MERTK: variants seen among roughly 807,000 people sequenced by gnomAD.
The protein encoded by MERTK is MER proto-oncogene, tyrosine kinase.
In MERTK, 69 loss-of-function variants were observed where a neutral mutation model predicts 99.3. The ratio of observed to expected loss-of-function variants is 0.70; its 90% CI spans 0.57 to 0.85. The LOEUF (loss-of-function observed/expected upper bound fraction) is 0.85. MERTK is among the 40% of genes least tolerant of loss of function. The pLI is 0.00. For missense variants in MERTK, 1,125 were observed against 1,249.4 expected, an observed-to-expected ratio of 0.90 and a Z score of 1.50; for synonymous variants, 426 against 467.6, an observed-to-expected ratio of 0.91 and a Z score of 1.15.
intron 6 of MERTK, among the ~76,000 whole-genome samples, chr2:111,974,506 A>ACGCCTGTAATCCCAG: frequency 6.6e-6 from 1 of 152,270 alleles, no homozygotes; most frequent in Non-Finnish European, 1.5e-5. Context: ...GTGGTGGCTC[A>ACGCCTGTAATCCCAG]CGCCTGTAAT....
At chr2:111,946,810 CT>C (rs879361567) in intron 3 of MERTK, among the ~76,000 whole-genome samples, 1 of 152,222 alleles carries the variant, frequency 6.6e-6, no homozygotes, top group Admixed American at 6.5e-5. Flanking sequence ...TGTGGCCTGC[CT>C]TCTGGTAAAA....
At chr2:112,013,554 AT>A (rs1381788528) in intron 15 of MERTK, 4 of 154,350 alleles carry the variant, frequency 2.6e-5, no homozygotes, top group African/African-American at 9.6e-5. Context: ...GCCAGCCTGT[AT>A]TTTGTATGTA....
rs771515671 is a variant in MERTK at position 112,026,894 on chromosome 2, G to C, written c.2487-1457G>C. Among the ~76,000 whole-genome samples the C allele has an allele frequency of 3.9e-4, 59 of 152,310 alleles. 1 individual carries two copies. The highest frequency in any genetic ancestry group is 3.1e-4 in the Non-Finnish European group (21 of 68,018). ...GGAAATTGCATATTTCTGTTCGTAA[G>C]ATGCTAGTAATTTATTGCATGGGTC... On this transcript the variant is annotated intron_variant, in intron 18 of 18. Transcript: ENST00000295408.
At chr2:111,942,450 C>T (rs565249022) in intron 2 of MERTK, among the ~76,000 whole-genome samples, 15 of 152,284 alleles carry the variant, frequency 9.9e-5, no homozygotes, top group Middle Eastern at 3.4e-3. Context: ...GCACAGAATT[C>T]TCCCATCTTT....
intron 1 of MERTK, among the ~76,000 whole-genome samples, chr2:111,920,996 A>G (rs913851253): frequency 2.0e-5 from 3 of 152,018 alleles, no homozygotes; most frequent in Non-Finnish European, 4.4e-5. Flanking sequence ...GTATTGCATA[A>G]ATAGTACTAA....
chr2:111,987,904 A>G (rs870763), intron 8 of MERTK, among the ~76,000 whole-genome samples: 35,552 of 150,574 alleles, frequency 0.24, 4,437 homozygotes, highest in Middle Eastern at 0.37. Context: ...ATGCTAGTTT[A>G]CTCTTCGTTT....
At chr2:111,948,703 C>G (rs928443331) in intron 4 of MERTK, among the ~76,000 whole-genome samples, 7 of 152,184 alleles carry the variant, frequency 4.6e-5, no homozygotes, top group Non-Finnish European at 1.0e-4. Flanking sequence ...TTTCTCCACC[C>G]TGCTGCCAGC....
At chr2:112,013,961 T>A (rs1172397628) in intron 15 of MERTK, among the ~76,000 whole-genome samples, 2 of 151,932 alleles carry the variant, frequency 1.3e-5, no homozygotes, top group Admixed American at 1.3e-4. Flanking sequence ...TTCAAGTGAT[T>A]CTCCTGCCTC....
intron 15 of MERTK, among the ~76,000 whole-genome samples, chr2:112,019,065 C>A (rs1214164715): frequency 6.6e-6 from 1 of 151,662 alleles, no homozygotes; most frequent in East Asian, 1.9e-4. Context: ...GACCACCTGT[C>A]CCTTTCCCTC....
intron 1 of MERTK, among the ~76,000 whole-genome samples, chr2:111,901,228 T>C (rs1374785083): frequency 6.6e-6 from 1 of 152,172 alleles, no homozygotes; most frequent in Non-Finnish European, 1.5e-5. Flanking sequence ...AAGATAAATA[T>C]AAATGTGGAT....
Position 112,021,518 on chromosome 2 carries a change from G to T in MERTK, c.2286G>T (p.Met762Ile). 2 of 1,613,994 alleles carry T rather than the reference G, an allele frequency of 1.2e-6. No homozygotes were observed. Among genetic ancestry groups the T allele is most frequent in the Non-Finnish European group, 1.7e-6 (2 of 1,179,926 alleles). Residue 762 changes from methionine (M) to isoleucine (I), a missense_variant, in exon 17 of 19, where the codon ATG becomes ATT. Transcript: ENST00000295408. ...ACCGCCAAGGCCGCATTGCTAAGAT[G>T]CCTGTTAAATGGATCGCCATAGAAA... Reference protein sequence around the residue: ...DYYRQGRIAKMPVKWIAIESL... With the variant: ...DYYRQGRIAKIPVKWIAIESL...
intron 2 of MERTK, among the ~76,000 whole-genome samples, chr2:111,931,689 GA>G (rs529477616): frequency 0.13 from 13,399 of 107,012 alleles, 639 homozygotes; most frequent in South Asian, 0.22. Context: ...CATCTCAAAA[GA>G]AAAAAAAAAA....
At chr2:112,016,059 G>C (rs1160424797) in intron 15 of MERTK, among the ~76,000 whole-genome samples, 2 of 152,232 alleles carry the variant, frequency 1.3e-5, no homozygotes, top group East Asian at 3.9e-4. Context: ...CTTGATTACT[G>C]AAGCTTGTTA....
intron 4 of MERTK, among the ~76,000 whole-genome samples, chr2:111,962,219 C>A (rs868773749): frequency 3.9e-5 from 6 of 152,098 alleles, no homozygotes; most frequent in Non-Finnish European, 7.4e-5. Flanking sequence ...TAAAAAATAA[C>A]CATTCAGGTC....
At chr2:112,026,548 T>C (rs543437928) in intron 18 of MERTK, among the ~76,000 whole-genome samples, 1 of 152,186 alleles carries the variant, frequency 6.6e-6, no homozygotes, top group East Asian at 1.9e-4. Flanking sequence ...GTCTGTCAAG[T>C]CTAAGTGACC....
At chr2:112,007,170 T>C (rs1676998568) in intron 13 of MERTK, among the ~76,000 whole-genome samples, 1 of 152,232 alleles carries the variant, frequency 6.6e-6, no homozygotes, top group Non-Finnish European at 1.5e-5. Flanking sequence ...TCTTTTTTTC[T>C]TTGAGACGGA....
At chr2:111,918,159 A>G (rs1299031462) in intron 1 of MERTK, among the ~76,000 whole-genome samples, 2 of 152,148 alleles carry the variant, frequency 1.3e-5, no homozygotes, top group Non-Finnish European at 2.9e-5. Flanking sequence ...CTTATTTAAT[A>G]TCTAGTGTTC....
chr2:111,990,635 A>G (rs1177627171), intron 8 of MERTK, among the ~76,000 whole-genome samples: 1 of 152,208 alleles, frequency 6.6e-6, no homozygotes, highest in Non-Finnish European at 1.5e-5. Context: ...CCTTATCCAA[A>G]GTGTCTGGGG....
chr2:111,906,620 TTCC>T (rs2104661341), intron 1 of MERTK, among the ~76,000 whole-genome samples: 1 of 152,340 alleles, frequency 6.6e-6, no homozygotes, highest in East Asian at 1.9e-4. Flanking sequence ...TTTTCACTTG[TTCC>T]AATTAACGGC....
Sources: gnomAD v4.1 joint callset for allele counts (sites outside exome capture counted in the v4.1 genomes callset) on GRCh38, gnomAD v4.1.1 for gene constraint, MANE v1.5 for transcripts, NCBI Gene and HGNC (gene_info 2026-07-23, HGNC 2026-07-21) for gene names.